CCND3: variants seen among roughly 807,000 people sequenced by gnomAD.
CCND3 encodes cyclin D3.
A neutral mutation model predicts 28.7 loss-of-function variants in CCND3; 9 were observed. The observed-to-expected ratio is 0.31, with a 90% confidence interval of 0.19 to 0.55. The LOEUF is 0.55. CCND3 is among the 20% of genes least tolerant of loss of function. The pLI, the probability that CCND3 is intolerant of heterozygous loss-of-function variation, is 0.93. For synonymous variants in CCND3, 164 were observed against 163.9 expected (o/e 1.00, Z 0.00); for missense variants, 315 against 385.8 (o/e 0.82, Z 1.54).
chr6:42,012,257 T>C (rs1456547731), intron 1 of CCND3, among the ~76,000 whole-genome samples: 2 of 152,058 alleles, frequency 1.3e-5, no homozygotes, highest in African/African-American at 4.8e-5. Context: ...AATACAAATA[T>C]TAGCTGGGCG....
At chr6:41,970,795 A>G (rs1238267950) in intron 1 of CCND3, among the ~76,000 whole-genome samples, 1 of 152,208 alleles carries the variant, frequency 6.6e-6, no homozygotes, top group East Asian at 1.9e-4. Flanking sequence ...TGCAATTGAG[A>G]AATACTTGGC....
intron 1 of CCND3, among the ~76,000 whole-genome samples, chr6:41,963,359 G>C (rs1053240206): frequency 1.3e-5 from 2 of 152,228 alleles, no homozygotes; most frequent in Non-Finnish European, 2.9e-5. Context: ...GCCCACAGAG[G>C]CTACCCTAAT....
intron 1 of CCND3, among the ~76,000 whole-genome samples, chr6:42,033,176 G>T (rs116953136): frequency 0.012 from 1,874 of 152,254 alleles, 51 homozygotes; most frequent in East Asian, 0.091. Context: ...TATTGGCCGG[G>T]CATGGTGGCT....
intron 1 of CCND3, among the ~76,000 whole-genome samples, chr6:42,033,605 T>C (rs754625122): frequency 4.2e-4 from 64 of 151,886 alleles, no homozygotes; most frequent in Non-Finnish European, 7.4e-4. Context: ...CCCAGCACTT[T>C]GGGAGGCTGA....
chr6:41,939,078 G>A lies in CCND3; in HGVS notation c.414+1292C>T, dbSNP rs1174364410. Among the ~76,000 whole-genome samples the A allele has an allele frequency of 6.6e-6, 1 of 152,016 alleles. No homozygotes were observed. Among genetic ancestry groups the A allele is most frequent in the Admixed American group, 6.6e-5 (1 of 15,266 alleles). On this transcript the variant is annotated intron_variant, in intron 2 of 4. Transcript: ENST00000372991. The surrounding 1 kb of genome is among the most constrained non-coding windows in gnomAD (Gnocchi z 4.2). ...CCCTCCAAAAACATCTTGCTCTCTG[G>A]CCCTGGAAACTAGCTCCACCTTCAG...
In CCND3 at chr6:41,941,392, G is replaced by T; in HGVS notation, c.198+60C>A. On this transcript the variant is annotated intron_variant, in intron 1 of 4. Transcript: ENST00000372991. This position sits in a 1 kb window ranked among gnomAD's most constrained non-coding sequence, Gnocchi z 6.1. Reference sequence around the variant, plus strand: ...GTGGGGACCGGGATGTCCCGACAGGGCGGCCCCGGTGTGTCCAGACCCGGG... The same window carrying T: ...GTGGGGACCGGGATGTCCCGACAGGTCGGCCCCGGTGTGTCCAGACCCGGG... The T allele has an allele frequency of 6.3e-7, 1 of 1,580,796 alleles. No individual in the cohort carries two copies.
At chr6:42,029,403 A>T (rs1582181307) in intron 1 of CCND3, among the ~76,000 whole-genome samples, 1 of 152,110 alleles carries the variant, frequency 6.6e-6, no homozygotes, top group African/African-American at 2.4e-5. Context: ...ATAGAAGGGG[A>T]CACCTGTCCA....
chr6:42,023,332 G>A (rs1311911164), intron 1 of CCND3, among the ~76,000 whole-genome samples: 2 of 152,200 alleles, frequency 1.3e-5, no homozygotes, highest in African/African-American at 2.4e-5. Flanking sequence ...GACTGTATGC[G>A]CCTTACAGAG....
chr6:42,025,699 C>T (rs1308277756), intron 1 of CCND3, among the ~76,000 whole-genome samples: 6 of 152,190 alleles, frequency 3.9e-5, no homozygotes, highest in Non-Finnish European at 7.3e-5. Context: ...CATGGGCTCC[C>T]TTAGGGCCTT....
At chr6:42,024,360 G>A (rs1251849613) in intron 1 of CCND3, among the ~76,000 whole-genome samples, 2 of 148,924 alleles carry the variant, frequency 1.3e-5, no homozygotes, top group East Asian at 2.0e-4. Flanking sequence ...CGGAGATCAC[G>A]CCACTGCATT....
chr6:42,028,982 T>C (rs1763967109), intron 1 of CCND3, among the ~76,000 whole-genome samples: 1 of 151,186 alleles, frequency 6.6e-6, no homozygotes, highest in Admixed American at 6.6e-5. Flanking sequence ...TTTTTTTTTT[T>C]TTTTCCTAAG....
intron 1 of CCND3, among the ~76,000 whole-genome samples, chr6:41,962,800 G>C (rs1027097571): frequency 2.6e-4 from 40 of 152,122 alleles, no homozygotes; most frequent in African/African-American, 8.4e-4. Context: ...GCCCAGGCTG[G>C]AGCGCCATGG....
rs180777337 is a variant in CCND3, at chr6:42,046,652, G to A, written c.-46+1849C>T. 4.0e-3 allele frequency among the ~76,000 whole-genome samples: 613 copies of A among 152,146 alleles called. 2 individuals are homozygous for A. Among genetic ancestry groups the A allele is most frequent in the East Asian group, 8.1e-3 (42 of 5,170 alleles). ...CGTTTGTGTGCACGCACACACGCGC[G>A]CGCACACACACACACACAGCCATCA... On this transcript the variant is annotated intron_variant, in intron 1 of 4. Transcript: ENST00000372988.
Position 41,935,599 on chromosome 6 carries a change from CATG to C in CCND3, c.*338_*340del. On this transcript the variant is annotated 3_prime_UTR_variant, in exon 5 of 5. Coordinates refer to ENST00000372991, the MANE Select transcript of CCND3 (RefSeq NM_001760.5). Reference sequence around the variant, plus strand: ...ACTAGAGCATTTTGGCAGTTGAAAACATGAGAGCCCCCAGGGGTGGGGGGGGGC... The same window carrying C: ...ACTAGAGCATTTTGGCAGTTGAAAACAGAGCCCCCAGGGGTGGGGGGGGGC... 2.1e-6 allele frequency: 1 copy of C among 466,142 alleles called. No homozygotes were observed. Among genetic ancestry groups the C allele is most frequent in the African/African-American group, 2.0e-5 (1 of 49,782 alleles). 28.9% of individuals were successfully genotyped at this position (466,142 alleles called of 1,614,324 possible). A position where few individuals can be genotyped will look rare whatever the true frequency, so the allele number is the denominator to read the frequency against.
intron 2 of CCND3, 48 bp from the exon 3 acceptor site, chr6:41,937,442 G>A (rs775839403): frequency 6.2e-7 from 1 of 1,607,890 alleles, no homozygotes; most frequent in South Asian, 1.1e-5. Context: ...GAAGTGAAGA[G>A]GAGGGAGCAA....
intron 1 of CCND3, among the ~76,000 whole-genome samples, chr6:41,972,340 T>C (rs1304697704): frequency 1.3e-5 from 2 of 152,104 alleles, no homozygotes; most frequent in Non-Finnish European, 1.5e-5. Context: ...GCTAACTGAA[T>C]GTGTTCTTGC....
At chr6:41,997,216 C>A (rs9369321) in intron 1 of CCND3, among the ~76,000 whole-genome samples, 2 of 152,218 alleles carry the variant, frequency 1.3e-5, no homozygotes, top group Admixed American at 6.6e-5. Context: ...CAAAGGGCAG[C>A]GCATTTTCTC....
chr6:41,955,178 G>A (rs151281617), intron 1 of CCND3, among the ~76,000 whole-genome samples: 36 of 152,068 alleles, frequency 2.4e-4, no homozygotes, highest in East Asian at 7.7e-4. Context: ...TTACACAAAC[G>A]CTTTCAGAGA....
At chr6:42,013,678 T>C (rs1763404691) in intron 1 of CCND3, among the ~76,000 whole-genome samples, 1 of 152,208 alleles carries the variant, frequency 6.6e-6, no homozygotes. Flanking sequence ...TTGAATTTTA[T>C]ATTGTTAAAT....
Sources: gnomAD v4.1 joint callset for allele counts (sites outside exome capture counted in the v4.1 genomes callset) on GRCh38, gnomAD v4.1.1 for gene constraint, Gnocchi (gnomAD v3.1) non-coding constraint, MANE v1.5 for transcripts, NCBI Gene and HGNC (gene_info 2026-07-23, HGNC 2026-07-21) for gene names.